GRIN2A: variants seen among roughly 807,000 people sequenced by gnomAD.
GRIN2A encodes glutamate receptor ionotropic, NMDA 2A.
Under a neutral mutation model 113.4 loss-of-function variants are expected in GRIN2A, and 22 were observed. The ratio of observed to expected loss-of-function variants is 0.19; its 90% confidence interval spans 0.14 to 0.28. The LOEUF is 0.28. Among genes scored for constraint, GRIN2A ranks in the 10% least tolerant of loss-of-function variants. The pLI, the probability that GRIN2A is intolerant of heterozygous loss-of-function variation, is 1.00. For synonymous variants in GRIN2A, 827 were observed against 738.4 expected, an observed-to-expected ratio of 1.12 and a Z score of -1.94; for missense variants, 1,502 against 1,887.0, an observed-to-expected ratio of 0.80 and a Z score of 3.78.
chr16:10,124,283 C>T (rs2048885951), intron 2 of GRIN2A, among the ~76,000 whole-genome samples: 1 of 152,148 alleles, frequency 6.6e-6, no homozygotes, highest in Non-Finnish European at 1.5e-5. Context: ...CGTTTGCTTA[C>T]TTACAACATT....
At chr16:9,956,467 T>C (rs2045313177) in intron 2 of GRIN2A, among the ~76,000 whole-genome samples, 1 of 152,178 alleles carries the variant, frequency 6.6e-6, no homozygotes, top group Non-Finnish European at 1.5e-5. Context: ...TCTTACCAAC[T>C]TCTAGAACTG....
At chr16:10,082,984 G>A (rs1285670874) in intron 2 of GRIN2A, among the ~76,000 whole-genome samples, 1 of 152,182 alleles carries the variant, frequency 6.6e-6, no homozygotes, top group Non-Finnish European at 1.5e-5. Flanking sequence ...ACCCAGGGCT[G>A]ACTTGATCAC....
intron 2 of GRIN2A, among the ~76,000 whole-genome samples, chr16:9,990,841 T>A (rs1364237657): frequency 6.6e-6 from 1 of 152,058 alleles, no homozygotes; most frequent in Non-Finnish European, 1.5e-5. Context: ...CCGAGGCAGG[T>A]GGATCACCTG....
At chr16:9,795,987 A>G (rs903660881) in intron 11 of GRIN2A, among the ~76,000 whole-genome samples, 9 of 152,284 alleles carry the variant, frequency 5.9e-5, no homozygotes, top group African/African-American at 1.9e-4. Context: ...TAGCTAGGGG[A>G]TTTGCCCTCT....
intron 2 of GRIN2A, among the ~76,000 whole-genome samples, chr16:10,114,027 A>G (rs1033985614): frequency 6.6e-6 from 1 of 150,870 alleles, no homozygotes; most frequent in Admixed American, 6.6e-5. Context: ...AAAAAAAAAG[A>G]AAAAAAAAGA....
rs78186053 is a variant in GRIN2A at position 9,961,707 on chromosome 16, G to A, written c.415-23156C>T. 1.4e-3 allele frequency among the ~76,000 whole-genome samples: 207 copies of A among 152,244 alleles called. 7 individuals are homozygous for A. The East Asian group carries it at 0.034, about 25-fold the overall frequency. On this transcript the variant is annotated intron_variant, in intron 2 of 12. Coordinates refer to ENST00000330684, the MANE Select transcript of GRIN2A (RefSeq NM_001134407.3). ...CGTGAAAACGGCCATACTGCCCAAGGTAATTTATAGATTCAATGCCATCCC... is the reference window on the plus strand; with the variant it reads ...CGTGAAAACGGCCATACTGCCCAAGATAATTTATAGATTCAATGCCATCCC...
chr16:9,893,306 G>T (rs1269879160), intron 3 of GRIN2A, among the ~76,000 whole-genome samples: 1 of 152,118 alleles, frequency 6.6e-6, no homozygotes, highest in East Asian at 1.9e-4. Flanking sequence ...TTTTGTGTGT[G>T]TATCTTTGTA....
intron 2 of GRIN2A, among the ~76,000 whole-genome samples, chr16:10,129,043 G>A (rs946755678): frequency 6.6e-6 from 1 of 152,048 alleles, no homozygotes; most frequent in African/African-American, 2.4e-5. Flanking sequence ...CACCTACTAT[G>A]TGCATCACTT....
intron 2 of GRIN2A, among the ~76,000 whole-genome samples, chr16:9,983,565 G>A (rs1476575023): frequency 6.0e-5 from 9 of 150,344 alleles, no homozygotes; most frequent in Middle Eastern, 3.5e-3. Flanking sequence ...TCAGCCTCCC[G>A]AGTAGCTAGG....
At chr16:10,057,825 G>C (rs558871627) in intron 2 of GRIN2A, among the ~76,000 whole-genome samples, 2 of 152,170 alleles carry the variant, frequency 1.3e-5, no homozygotes, top group Non-Finnish European at 2.9e-5. Context: ...TATTTTTAGC[G>C]TGGTCCTCAA....
At chr16:9,910,494 A>G (rs1478686554) in intron 3 of GRIN2A, among the ~76,000 whole-genome samples, 1 of 151,050 alleles carries the variant, frequency 6.6e-6, no homozygotes, top group Non-Finnish European at 1.5e-5. Flanking sequence ...CTGAGATATG[A>G]GATTTAAACT....
intron 2 of GRIN2A, among the ~76,000 whole-genome samples, chr16:10,130,953 G>C (rs2049049291): frequency 1.3e-5 from 2 of 152,198 alleles, no homozygotes; most frequent in South Asian, 4.1e-4. Context: ...GACTAAGAGG[G>C]ACAGAGGCAG....
At chr16:10,002,661 T>C (rs2046340841) in intron 2 of GRIN2A, among the ~76,000 whole-genome samples, 1 of 152,196 alleles carries the variant, frequency 6.6e-6, no homozygotes, top group South Asian at 2.1e-4. Context: ...GTTACCACCT[T>C]ATCCCAAGGG....
At position 10,047,530 on chromosome 16, in the gene GRIN2A, G is replaced by C. The variant is rs111552181; in HGVS notation, c.415-108979C>G. Among the ~76,000 whole-genome samples the C allele has an allele frequency of 2.0e-3, 298 of 152,270 alleles. 2 individuals are homozygous for C. Among genetic ancestry groups the C allele is most frequent in the African/African-American group, 7.0e-3 (289 of 41,552 alleles). On this transcript the variant is annotated intron_variant, in intron 2 of 12. Transcript: ENST00000330684. ...AGTTCCTGTTAATCTTCTTTACTTT[G>C]TTCTATGAACTTACAGACTTGAGTC...
At chr16:9,912,389 T>C (rs903154513) in intron 3 of GRIN2A, among the ~76,000 whole-genome samples, 4 of 151,988 alleles carry the variant, frequency 2.6e-5, no homozygotes, top group African/African-American at 9.7e-5. Context: ...TCCAGAACCA[T>C]GGTTCCAGAA....
In GRIN2A at chr16:9,834,193, C is replaced by G. The variant is rs751786139; in HGVS notation, c.1689G>C (p.Val563=). ...FSASVWVMMF[V]MLLIVSAIAV... is the part of the protein sequence containing the mutation. ...CTATGGCAGAAACAATGAGCAGCATCACAAACATCATCACCCAGACAGAGG... is the reference window on the plus strand; with the variant it reads ...CTATGGCAGAAACAATGAGCAGCATGACAAACATCATCACCCAGACAGAGG... The change falls in exon 8 of 13, where the codon GTG becomes GTC. Residue 563 remains valine (V), a synonymous_variant. Transcript: ENST00000330684. 1 of 1,613,688 alleles carries G rather than the reference C, an allele frequency of 6.2e-7. No individual in the cohort carries two copies. The highest frequency in any genetic ancestry group is 2.2e-5 in the East Asian group (1 of 44,850).
rs1446547069 is a variant in GRIN2A at position 10,107,091 on chromosome 16, G to A, written c.414+72907C>T. ...CATGAAGCAAGACAAAGAATGAAAT[G>A]GAGGGCTAGGATGATGACTGGATTT... On this transcript the variant is annotated intron_variant, in intron 2 of 12. Coordinates refer to ENST00000330684, the MANE Select transcript of GRIN2A (RefSeq NM_001134407.3). Among the ~76,000 whole-genome samples, 6 of 152,190 alleles carry A rather than the reference G, an allele frequency of 3.9e-5. No individual in the cohort carries two copies. The South Asian group carries it at 1.0e-3, about 26-fold the overall frequency.
intron 2 of GRIN2A, among the ~76,000 whole-genome samples, chr16:9,996,578 C>A (rs1280156973): frequency 1.3e-5 from 2 of 152,172 alleles, no homozygotes; most frequent in Non-Finnish European, 2.9e-5. Flanking sequence ...GGTGGGCACA[C>A]CTGTAAGTAA....
Position 9,764,068 on chromosome 16 carries a change from C to G in GRIN2A, c.3476G>C (p.Arg1159Pro), listed in dbSNP as rs534440095. ...CATTGGCAGCGTGGAGTCCCCCTTG[C>G]GGAAGTTTTCACTGGGATCCTGGTA... ...DPYQDPSENF[R>P]KGDSTLPMNR... The change falls in exon 13 of 13, where the codon CGC (arginine) becomes CCC (proline). Residue 1159 changes from arginine (R) to proline (P), a missense_variant. Physicochemically the swap from Arg to Pro is moderately radical, Grantham distance 103 (BLOSUM62 -2). Coordinates refer to ENST00000330684, the MANE Select transcript of GRIN2A (RefSeq NM_001134407.3). 19 of 1,613,604 alleles carry G rather than the reference C, an allele frequency of 1.2e-5. No individual in the cohort carries two copies. The highest frequency in any genetic ancestry group is 6.6e-5 in the South Asian group (6 of 91,060).
Sources: allele counts gnomAD v4.1 joint callset (sites outside exome capture counted in the v4.1 genomes callset), GRCh38; gene constraint gnomAD v4.1.1; transcripts MANE v1.5; gene names NCBI Gene and HGNC (gene_info 2026-07-23, HGNC 2026-07-21).